The following CTNS variants were observed in gnomAD, a reference collection of about 807,000 sequenced individuals.
CTNS encodes cystinosin.
A neutral mutation model predicts 43.7 loss-of-function variants in CTNS; 27 were observed. The observed-to-expected ratio is 0.62, with a 90% CI of 0.46 to 0.85. CTNS has a LOEUF of 0.85. Ranked by LOEUF, CTNS falls within the 40% of genes least tolerant of loss-of-function variation. The probability of loss-of-function intolerance (pLI) is 0.00; values close to 1 mark genes in which losing one functional copy is unlikely to be tolerated. For missense variants in CTNS, 457 were observed against 475.4 expected, an observed-to-expected ratio of 0.96 and a Z score of 0.36; for synonymous variants, 187 against 190.6, an observed-to-expected ratio of 0.98 and a Z score of 0.16.
intron 3 of CTNS, among the ~76,000 whole-genome samples, chr17:3,640,548 T>C (rs2075660029): frequency 6.6e-6 from 1 of 152,208 alleles, no homozygotes; most frequent in South Asian, 2.1e-4. Context: ...GGTCAGACTA[T>C]GCAGCTGATT....
Position 3,638,238 on chromosome 17 carries a change from T to G in CTNS, c.-20+922T>G, listed in dbSNP as rs753346675. On this transcript the variant is annotated intron_variant, in intron 2 of 11. Transcript: ENST00000046640. ...AATTATCAATCTGGTTTTTTTTTTG[T>G]TTTTTTTTTTTAATTTGAGACGGAG... Among the ~76,000 whole-genome samples the G allele has an allele frequency of 2.7e-4, 13 of 48,732 alleles. 1 individual carries two copies. Among genetic ancestry groups the G allele is most frequent in the Middle Eastern group, 9.6e-3 (1 of 104 alleles). 32.0% of individuals were successfully genotyped at this position (48,732 alleles called of 152,430 possible). A position where few individuals can be genotyped will look rare whatever the true frequency, so the allele number is the denominator to read the frequency against.
Position 3,662,290 on chromosome 17 carries a change from A to G in CTNS, c.*1921A>G, listed in dbSNP as rs1289274419. ...CACGCCATTGCACTCCAGCCTGGGCAACAAGAACGAAACTCCATCTCAAAA... is the reference window on the plus strand; with the variant it reads ...CACGCCATTGCACTCCAGCCTGGGCGACAAGAACGAAACTCCATCTCAAAA... On this transcript the variant is annotated 3_prime_UTR_variant, in exon 12 of 12. Coordinates refer to ENST00000046640, the MANE Select transcript of CTNS (RefSeq NM_004937.3). Among the ~76,000 whole-genome samples, 1 of 147,856 alleles carries G rather than the reference A, an allele frequency of 6.8e-6. No homozygotes were observed. The highest frequency in any genetic ancestry group is 1.5e-5 in the Non-Finnish European group (1 of 67,136).
chr17:3,660,362 T>C lies in CTNS; in HGVS notation c.1097T>C (p.Leu366Pro). 1 of 1,614,214 alleles carries C rather than the reference T, an allele frequency of 6.2e-7. No homozygotes were observed. The change falls in exon 12 of 12, where the codon CTG becomes CCG. Residue 366 changes from leucine (L) to proline (P), a missense_variant. Leu to Pro is a moderately conservative substitution (Grantham distance 98). Transcript: ENST00000046640. ...AGAAAGAGACCGGGGTATGACCAGC[T>C]GAACTAGCACCCAGGGACCCAGTGT... ...LYRKRPGYDQLN is the reference protein window; with the variant it reads ...LYRKRPGYDQPN
chr17:3,658,085 G>A lies in CTNS; in HGVS notation c.762G>A (p.Val254=). The change falls in exon 10 of 12, where the codon GTG becomes GTA. Residue 254 remains valine, a synonymous_variant. Coordinates refer to ENST00000046640, the MANE Select transcript of CTNS (RefSeq NM_004937.3). The part of the protein sequence containing the change: ...AWLFAFVTMI[V]AAVGVTTWLQ... ...TCTTCGCATTTGTCACCATGATCGT[G>A]GCTGCAGTGGGAGTGACCACGTGGC... The A allele has an allele frequency of 6.2e-7, 1 of 1,612,240 alleles. No individual in the cohort carries two copies. Among genetic ancestry groups the A allele is most frequent in the Non-Finnish European group, 8.5e-7 (1 of 1,179,810 alleles).
In CTNS at chr17:3,661,180, C is replaced by T. The variant is rs1567718264; in HGVS notation, c.*811C>T. The T allele has an allele frequency of 3.9e-6, 1 of 255,582 alleles. No individual in the cohort carries two copies. Among genetic ancestry groups the T allele is most frequent in the Non-Finnish European group, 7.8e-6 (1 of 128,712 alleles). The allele number at this position is 255,582 out of a possible 1,614,324, so 15.8% of individuals were successfully genotyped here. ...ACAGGACATAGCTCTCTCCTGCTAC[C>T]AGTCTGTGCCTTAGAGGTCTGTTAG... On this transcript the variant is annotated 3_prime_UTR_variant, in exon 12 of 12. Transcript: ENST00000046640.
chr17:3,641,551 C>T (rs990249699), intron 3 of CTNS, among the ~76,000 whole-genome samples: 2 of 151,310 alleles, frequency 1.3e-5, no homozygotes, highest in Non-Finnish European at 2.9e-5. Context: ...GCAACTACGC[C>T]CAGCTAGTTT....
At chr17:3,655,162 T>C (rs983791381) in intron 6 of CTNS, 59 bp from the exon 7 acceptor site, 6 of 1,613,994 alleles carry the variant, frequency 3.7e-6, no homozygotes, top group Non-Finnish European at 5.1e-6. Flanking sequence ...GCTGGGCACG[T>C]GGGAGTCTCC....
chr17:3,643,990 T>C (rs900344890), intron 3 of CTNS, among the ~76,000 whole-genome samples: 2 of 152,140 alleles, frequency 1.3e-5, no homozygotes, highest in African/African-American at 2.4e-5. Flanking sequence ...CAGTGAGCCA[T>C]GATCACTCTC....
In CTNS at chr17:3,655,277, T is replaced by A. The variant is rs1009882965; in HGVS notation, c.386T>A (p.Val129Glu). The A allele has an allele frequency of 1.2e-6, 2 of 1,614,048 alleles. No homozygotes were observed. Among genetic ancestry groups the A allele is most frequent in the African/African-American group, 1.3e-5 (1 of 74,934 alleles). Residue 129 changes from valine to glutamate, a missense_variant, in exon 7 of 12, where the codon GTG (valine) becomes GAG (glutamate). Coordinates refer to ENST00000046640, the MANE Select transcript of CTNS (RefSeq NM_004937.3). ...AGCGCCATTAGCATCATAAACCAGG[T>A]GATTGGCTGGATCTACTTTGTGGCC... ...RSSAISIINQVIGWIYFVAWS... is the reference protein window; with the variant it reads ...RSSAISIINQEIGWIYFVAWS...
rs544777327 is a variant in CTNS, at chr17:3,643,847, G to A, written c.61+3580G>A. Among the ~76,000 whole-genome samples, 5 of 152,264 alleles carry A rather than the reference G, an allele frequency of 3.3e-5. No homozygotes were observed. The South Asian group carries it at 8.3e-4, about 25-fold the overall frequency. ...CTCCCAAAGTGCTGGGATTACAGGC[G>A]TGAGCCACCGCACCCGGCCAAAAAT... is the stretch of plus-strand genomic sequence containing the variant. On this transcript the variant is annotated intron_variant, in intron 3 of 11. Coordinates refer to ENST00000046640, the MANE Select transcript of CTNS (RefSeq NM_004937.3).
At position 3,662,205 on chromosome 17, in the gene CTNS, G is replaced by C. The variant is rs1432634931; in HGVS notation, c.*1836G>C. ...GGGCACCTGTAATCCCAGCTACTTG[G>C]TTGGCTGAGGCAGGAGAATTACTTG... On this transcript the variant is annotated 3_prime_UTR_variant, in exon 12 of 12. Transcript: ENST00000046640. Among the ~76,000 whole-genome samples the C allele has an allele frequency of 1.3e-5, 2 of 152,088 alleles. No homozygotes were observed. The highest frequency in any genetic ancestry group is 2.9e-5 in the Non-Finnish European group (2 of 68,018).
intron 3 of CTNS, among the ~76,000 whole-genome samples, chr17:3,644,739 C>G (rs1455562035): frequency 6.6e-6 from 1 of 152,248 alleles, no homozygotes; most frequent in Non-Finnish European, 1.5e-5. Flanking sequence ...GCTGGGATTA[C>G]AGGCCTGAGC....
intron 11 of CTNS, 52 bp downstream of exon 11, chr17:3,660,027 G>A (rs1484352369): frequency 2.6e-6 from 4 of 1,532,942 alleles, no homozygotes; most frequent in Admixed American, 1.7e-5. Flanking sequence ...CATCGGGCGG[G>A]GCCAGCCTTC....
At chr17:3,654,891 C>A (rs116344762) in intron 5 of CTNS, 107 bp from the exon 6 acceptor site, 7 of 837,512 alleles carry the variant, frequency 8.4e-6, no homozygotes, top group Non-Finnish European at 4.2e-6. Flanking sequence ...GGTGAGGCTG[C>A]GGGTGGTGCG....
intron 3 of CTNS, among the ~76,000 whole-genome samples, chr17:3,641,179 T>C (rs928896863): frequency 6.6e-6 from 1 of 151,526 alleles, no homozygotes; most frequent in Non-Finnish European, 1.5e-5. Flanking sequence ...CACGTCCTTG[T>C]AGGAGGAATG....
At position 3,655,100 on chromosome 17, in the gene CTNS, G is replaced by A. The variant is rs139585545; in HGVS notation, c.328G>A (p.Gly110Ser). 4.7e-5 allele frequency: 76 copies of A among 1,613,748 alleles called. No individual in the cohort carries two copies. The highest frequency in any genetic ancestry group is 1.6e-4 in the Middle Eastern group (1 of 6,084). ...ACATGGAAATCACTCCAATCAGACC[G>A]GGTAGGCTGGCCTCAGGGTGTGCGG... ...YLHGNHSNQT[G>S]PRIRFLVIRS... Residue 110 changes from glycine (G) to serine (S), a missense_variant and splice_region_variant, in exon 6 of 12, where the codon GGC becomes AGC. Coordinates refer to ENST00000046640, the MANE Select transcript of CTNS (RefSeq NM_004937.3).
intron 3 of CTNS, among the ~76,000 whole-genome samples, chr17:3,642,041 C>CTGTGTGTGTGTGTGTGTGTGTGTG (rs371619089): frequency 5.6e-5 from 8 of 143,788 alleles, no homozygotes; most frequent in Non-Finnish European, 7.6e-5. Context: ...TTGCCTGGGC[C>CTGTGTGTGTGTGTGTGTGTGTGTG]TGTGTGTGTG....
chr17:3,660,519 G>A lies in CTNS; in HGVS notation c.*150G>A, dbSNP rs2076259768. On this transcript the variant is annotated 3_prime_UTR_variant, in exon 12 of 12. Transcript: ENST00000046640. ...AGACCACTCTGCTCCTGGGGCCAGA[G>A]GCCATTCAATAGCCTGCCTTCGTCC... 6.2e-7 allele frequency: 1 copy of A among 1,612,532 alleles called. No individual in the cohort carries two copies. Among genetic ancestry groups the A allele is most frequent in the South Asian group, 1.1e-5 (1 of 90,912 alleles).
At position 3,659,860 on chromosome 17, in the gene CTNS, C is replaced by G. The variant is rs1425996808; in HGVS notation, c.855C>G (p.Ala285=). 3.7e-6 allele frequency: 6 copies of G among 1,612,854 alleles called. No individual in the cohort carries two copies. The highest frequency in any genetic ancestry group is 4.2e-6 in the Non-Finnish European group (5 of 1,179,086). ...GTCTGTCCGTCTGTCTGGCCCAGGC[C>G]TACATGAACTTTTACTACAAAAGCA... ...AVTLVKYFPQ[A]YMNFYYKSTE... is the part of the protein sequence containing the mutation. Residue 285 remains alanine, a splice_region_variant and synonymous_variant, in exon 11 of 12, where the codon GCC becomes GCG. Coordinates refer to ENST00000046640, the MANE Select transcript of CTNS (RefSeq NM_004937.3).
Sources: allele counts gnomAD v4.1 joint callset (sites outside exome capture counted in the v4.1 genomes callset), GRCh38; gene constraint gnomAD v4.1.1; transcripts MANE v1.5; gene names NCBI Gene and HGNC (gene_info 2026-07-23, HGNC 2026-07-21).